The following PRUNE2 variants were observed in gnomAD, a reference collection of about 807,000 sequenced individuals.
PRUNE2 encodes prune homolog 2 with BCH domain, also known as protein prune homolog 2.
PRUNE2 carries 164 observed loss-of-function variants against 252.0 expected under a neutral mutation model. The observed-to-expected ratio is 0.65, with a 90% confidence interval of 0.57 to 0.74. The LOEUF (loss-of-function observed/expected upper bound fraction) is 0.74. Among genes scored for constraint, PRUNE2 ranks in the 30% least tolerant of loss-of-function variants. The pLI is 0.00. For synonymous variants in PRUNE2, 1,292 were observed against 1,350.2 expected (o/e 0.96, Z 0.94); for missense variants, 3,495 against 3,711.0 (o/e 0.94, Z 1.51).
At chr9:76,765,994 A>G (rs1383064094) in intron 6 of PRUNE2, among the ~76,000 whole-genome samples, 1 of 152,072 alleles carries the variant, frequency 6.6e-6, no homozygotes, top group East Asian at 1.9e-4. Flanking sequence ...CATCCTGGCC[A>G]ACATGATGAA....
chr9:76,618,550 G>A (rs762900468), intron 18 of PRUNE2, among the ~76,000 whole-genome samples: 1 of 152,150 alleles, frequency 6.6e-6, no homozygotes, highest in East Asian at 1.9e-4. Context: ...CCACTAATTC[G>A]CTCTGTTCTC....
chr9:76,852,973 A>C (rs1014438519), intron 2 of PRUNE2, among the ~76,000 whole-genome samples: 1 of 152,148 alleles, frequency 6.6e-6, no homozygotes, highest in South Asian at 2.1e-4. Context: ...ATCACTCTAA[A>C]CATCAGTCTG....
At chr9:76,737,971 A>G (rs551267231) in intron 6 of PRUNE2, 2 of 152,322 alleles carry the variant, frequency 1.3e-5, no homozygotes, top group African/African-American at 4.8e-5. Context: ...AGAGCCTAAG[A>G]CTTCTTCTTT....
intron 5 of PRUNE2, among the ~76,000 whole-genome samples, chr9:76,824,278 G>A (rs1196255321): frequency 6.6e-5 from 10 of 152,066 alleles, no homozygotes; most frequent in Admixed American, 6.5e-4. Flanking sequence ...ACAAAGGCAG[G>A]GAATAAAAGG....
At chr9:76,808,010 T>C (rs1018100949) in intron 6 of PRUNE2, among the ~76,000 whole-genome samples, 4 of 152,066 alleles carry the variant, frequency 2.6e-5, no homozygotes, top group African/African-American at 9.7e-5. Context: ...AAACCCCGTC[T>C]CTACTAAAAA....
intron 4 of PRUNE2, among the ~76,000 whole-genome samples, chr9:76,838,729 T>C (rs915278342): frequency 2.1e-5 from 3 of 145,970 alleles, no homozygotes; most frequent in Admixed American, 2.0e-4. Context: ...GTTAAAACTA[T>C]AAAGAAAAGC....
chr9:76,731,280 CTCTA>C (rs1182228208), intron 6 of PRUNE2, among the ~76,000 whole-genome samples: 3,706 of 86,682 alleles, frequency 0.043, 91 homozygotes, highest in African/African-American at 0.07. Context: ...TATTCCCTCT[CTCTA>C]TCTATCTATC....
intron 5 of PRUNE2, among the ~76,000 whole-genome samples, chr9:76,824,211 T>C (rs968620647): frequency 6.6e-6 from 1 of 152,176 alleles, no homozygotes; most frequent in African/African-American, 2.4e-5. Flanking sequence ...GAAGCCAGTG[T>C]TGTGGGAGCC....
chr9:76,710,193 A>G lies in PRUNE2; in HGVS notation c.2081T>C (p.Ile694Thr), dbSNP rs200437266. Residue 694 changes from isoleucine (I) to threonine (T), a missense_variant, in exon 8 of 19, where the codon ATT becomes ACT. Ile to Thr is a moderately conservative substitution (Grantham distance 89). Transcript: ENST00000376718. ...ESWKEHKPSS[I>T]DRRASDSVFQ... ...TACAGAATCTGAGGCTCTCCTATCA[A>G]TGGAGCTTGGCTTATGCTCTTTCCA... 1.4e-4 allele frequency: 221 copies of G among 1,613,952 alleles called. 3 individuals are homozygous for G. The African/African-American group carries it at 1.9e-3, about 14-fold the overall frequency.
At chr9:76,762,134 C>G (rs2051794759) in intron 6 of PRUNE2, among the ~76,000 whole-genome samples, 1 of 152,186 alleles carries the variant, frequency 6.6e-6, no homozygotes, top group Non-Finnish European at 1.5e-5. Flanking sequence ...ATGGTTAGAA[C>G]AAGGACCTTT....
chr9:76,627,337 C>T (rs1285963474), intron 16 of PRUNE2, among the ~76,000 whole-genome samples: 2 of 151,590 alleles, frequency 1.3e-5, no homozygotes, highest in Admixed American at 1.3e-4. Context: ...GTCTTGAACT[C>T]CTGGACTCAA....
At chr9:76,623,329 T>A (rs2132083535) in intron 17 of PRUNE2, among the ~76,000 whole-genome samples, 1 of 151,152 alleles carries the variant, frequency 6.6e-6, no homozygotes, top group South Asian at 2.1e-4. Flanking sequence ...GGAGTCTCGC[T>A]CTGTCCCCAG....
Position 76,625,958 on chromosome 9 carries a change from A to G in PRUNE2, c.9150-1468T>C, listed in dbSNP as rs149219834. Reference sequence around the variant, plus strand: ...AAGCTGTGATGTGCCTTATGAAGAAAATATGTGTATTAGATAAGCTTTGTT... The same window carrying G: ...AAGCTGTGATGTGCCTTATGAAGAAGATATGTGTATTAGATAAGCTTTGTT... On this transcript the variant is annotated intron_variant, in intron 16 of 18. Transcript: ENST00000376718. Among the ~76,000 whole-genome samples the G allele has an allele frequency of 4.5e-3, 679 of 152,332 alleles. 2 individuals carry two copies. The highest frequency in any genetic ancestry group is 7.1e-3 in the Non-Finnish European group (481 of 68,022).
chr9:76,829,544 C>A (rs988826738), intron 4 of PRUNE2, among the ~76,000 whole-genome samples: 2 of 152,102 alleles, frequency 1.3e-5, no homozygotes, highest in Non-Finnish European at 2.9e-5. Context: ...TTCATTAATT[C>A]GCATATTGTT....
chr9:76,633,580 CA>C (rs566175941), intron 15 of PRUNE2, among the ~76,000 whole-genome samples: 343 of 132,802 alleles, frequency 2.6e-3, no homozygotes, highest in South Asian at 4.2e-3. Flanking sequence ...GAGGTTGTCT[CA>C]AAAAAAAAAA....
At position 76,889,021 on chromosome 9, in the gene PRUNE2, T is replaced by C. The variant is rs1176181531; in HGVS notation, c.36+16907A>G. 2.0e-5 allele frequency among the ~76,000 whole-genome samples: 3 copies of C among 152,108 alleles called. No homozygotes were observed. In the East Asian group the frequency reaches 5.8e-4, roughly 30 times the overall value. ...CCACACCCAGCTAGTTTTTGTGTTT[T>C]TAGTAGAGACGGGGTTTCACCATGT... On this transcript the variant is annotated intron_variant, in intron 1 of 18. Transcript: ENST00000376718.
intron 6 of PRUNE2, among the ~76,000 whole-genome samples, chr9:76,760,895 G>T (rs2051652974): frequency 6.6e-6 from 1 of 152,064 alleles, no homozygotes; most frequent in African/African-American, 2.4e-5. Context: ...AGACCAGCCT[G>T]GCCAACACTG....
chr9:76,757,063 T>C (rs10113999), intron 6 of PRUNE2, among the ~76,000 whole-genome samples: 2,774 of 152,322 alleles, frequency 0.018, 73 homozygotes, highest in African/African-American at 0.056. Flanking sequence ...AGACTGCTAA[T>C]GGATTTTAAT....
At chr9:76,661,374 C>G (rs1851362320) in intron 9 of PRUNE2, among the ~76,000 whole-genome samples, 2 of 152,188 alleles carry the variant, frequency 1.3e-5, no homozygotes, top group Non-Finnish European at 2.9e-5. Context: ...TCCCAAGTAG[C>G]TAGGATTACA....
Sources: allele counts gnomAD v4.1 joint callset (sites outside exome capture counted in the v4.1 genomes callset), GRCh38; gene constraint gnomAD v4.1.1; transcripts MANE v1.5; gene names NCBI Gene and HGNC (gene_info 2026-07-23, HGNC 2026-07-21).